The following PEAR1 variants were observed in gnomAD, a reference collection of about 807,000 sequenced individuals.
PEAR1 encodes multiple EGF-like domains protein 12.
In PEAR1, 113 loss-of-function variants were observed where a neutral mutation model predicts 131.2. That is an observed-to-expected ratio of 0.86 (90% CI 0.74 to 1.01). The LOEUF is 1.01. PEAR1 is among the 50% of genes least tolerant of loss of function. The pLI is 0.00. For synonymous variants in PEAR1, 565 were observed against 523.3 expected, an observed-to-expected ratio of 1.08 and a Z score of -1.09; for missense variants, 1,408 against 1,391.1, an observed-to-expected ratio of 1.01 and a Z score of -0.19.
At chr1:156,910,204 C>T in intron 13 of PEAR1, 30 bp from the exon 14 acceptor site, 1 of 1,610,186 alleles carries the variant, frequency 6.2e-7, no homozygotes, top group African/African-American at 1.3e-5. Flanking sequence ...GGGGGCCCAG[C>T]CAGGCACACC....
intron 6 of PEAR1, 104 bp from the exon 7 acceptor site, chr1:156,907,506 A>G: frequency 6.8e-7 from 1 of 1,477,232 alleles, no homozygotes; most frequent in Non-Finnish European, 9.0e-7. Context: ...GCAAGTGTGA[A>G]TCACTAAGTC....
chr1:156,910,877 C>T (rs923350791), intron 15 of PEAR1, 134 bp downstream of exon 15: 1 of 1,289,398 alleles, frequency 7.8e-7, no homozygotes, highest in Non-Finnish European at 1.1e-6. Flanking sequence ...CTGGGCACCA[C>T]CTACATGCTG....
At position 156,914,860 on chromosome 1, in the gene PEAR1, A is replaced by G; in HGVS notation, c.*62A>G. ...GCTGTTGCTGCTCAAGGCTGGGGAC[A>G]GAGCCTAGTGTACCCCTGCCAGGAG... On this transcript the variant is annotated 3_prime_UTR_variant, in exon 23 of 23. Coordinates refer to ENST00000292357, the MANE Select transcript of PEAR1 (RefSeq NM_001080471.3). 2 of 1,580,304 alleles carry G rather than the reference A, an allele frequency of 1.3e-6. No individual in the cohort carries two copies. The highest frequency in any genetic ancestry group is 1.7e-4 in the Middle Eastern group (1 of 5,948).
At chr1:156,914,492 G>A (rs1392899899) in intron 22 of PEAR1, among the ~76,000 whole-genome samples, 155 bp from the exon 23 acceptor site, 7 of 152,180 alleles carry the variant, frequency 4.6e-5, no homozygotes, top group East Asian at 1.9e-4. Context: ...GGAGCCGCAC[G>A]GCCAGCTGAT....
intron 3 of PEAR1, 145 bp downstream of exon 3, chr1:156,904,997 G>C: frequency 1.3e-6 from 2 of 1,552,296 alleles, no homozygotes; most frequent in Non-Finnish European, 1.7e-6. Flanking sequence ...GGTCTGTGTC[G>C]GGTACGTGTG....
chr1:156,909,982 C>A, intron 12 of PEAR1, 24 bp from the exon 13 acceptor site: 1 of 1,613,098 alleles, frequency 6.2e-7, no homozygotes, highest in South Asian at 1.1e-5. Context: ...GACTGGCCTA[C>A]CTGCTCCCCA....
chr1:156,904,227 C>T (rs1448390535), intron 2 of PEAR1, among the ~76,000 whole-genome samples, 200 bp downstream of exon 2: 1 of 152,162 alleles, frequency 6.6e-6, no homozygotes, highest in Non-Finnish European at 1.5e-5. Flanking sequence ...CATTTCTGAC[C>T]TTGTCTCAGT....
chr1:156,898,284 T>C (rs1049154525), intron 1 of PEAR1, among the ~76,000 whole-genome samples: 32 of 152,152 alleles, frequency 2.1e-4, no homozygotes, highest in Non-Finnish European at 3.8e-4. Context: ...CATTTCCTGA[T>C]GAGTAAACAG....
At position 156,906,781 on chromosome 1, in the gene PEAR1, A is replaced by G; in HGVS notation, c.545A>G (p.Tyr182Cys). 8 of 1,614,220 alleles carry G rather than the reference A, an allele frequency of 5.0e-6. No homozygotes were observed. Among genetic ancestry groups the G allele is most frequent in the Non-Finnish European group, 6.8e-6 (8 of 1,180,046 alleles). ...PNCLQPCTPG[Y>C]YGPACQFRCQ... ...TGCCTTCAGCCCTGTACCCCTGGCT[A>G]CTATGGCCCTGCCTGCCAGTTCCGC... Residue 182 changes from tyrosine (Y) to cysteine (C), a missense_variant, in exon 6 of 23, where the codon TAC (tyrosine) becomes TGC (cysteine). Tyr to Cys is a radical substitution (Grantham distance 194, BLOSUM62 -2). Transcript: ENST00000292357.
In PEAR1 at chr1:156,915,046, A is replaced by G. The variant is rs746742297; in HGVS notation, c.*248A>G. 21 of 461,146 alleles carry G rather than the reference A, an allele frequency of 4.6e-5. No individual in the cohort carries two copies. The highest frequency in any genetic ancestry group is 7.6e-5 in the Non-Finnish European group (20 of 264,652). The allele number at this position is 461,146 out of a possible 1,614,324, so 28.6% of individuals were successfully genotyped here. ...AAGGCCTCCAGGGCCCTGTGTACAT[A>G]AACTGGTGGGTTGGAAGTTGCTGGG... On this transcript the variant is annotated 3_prime_UTR_variant, in exon 23 of 23. Transcript: ENST00000292357.
chr1:156,909,961 G>A (rs368675907), intron 12 of PEAR1, 45 bp from the exon 13 acceptor site: 154 of 1,612,156 alleles, frequency 9.6e-5, no homozygotes, highest in Non-Finnish European at 1.2e-4. Flanking sequence ...AGGGCATGGC[G>A]TCCCCCAGCT....
In PEAR1 at chr1:156,910,621, GTC is replaced by G; in HGVS notation, c.1830_1831del (p.Cys610Ter). 1 of 1,613,986 alleles carries G rather than the reference GTC, an allele frequency of 6.2e-7. No individual in the cohort carries two copies. Among genetic ancestry groups the G allele is most frequent in the Non-Finnish European group, 8.5e-7 (1 of 1,180,006 alleles). ...ACCATGTACCCCTTTCCCCCAGCCTGTCAGCCTGGCCGCTATGGCAAACGCTG... is the reference window on the plus strand; with the variant it reads ...ACCATGTACCCCTTTCCCCCAGCCTGAGCCTGGCCGCTATGGCAAACGCTG... On this transcript the variant is annotated stop_gained and frameshift_variant, in exon 15 of 23. Transcript: ENST00000292357. LOFTEE classifies it high-confidence loss of function.
chr1:156,904,079 G>A (rs749573642), intron 2 of PEAR1, 52 bp downstream of exon 2: 144 of 1,419,956 alleles, frequency 1.0e-4, no homozygotes, highest in Non-Finnish European at 1.4e-4. Context: ...GCTCCCGATT[G>A]TCCCTATTGT....
In PEAR1 at chr1:156,906,290, G is replaced by C. The variant is rs1479751990; in HGVS notation, c.322G>C (p.Glu108Gln). 1 of 1,614,084 alleles carries C rather than the reference G, an allele frequency of 6.2e-7. No individual in the cohort carries two copies. Among genetic ancestry groups the C allele is most frequent in the East Asian group, 2.2e-5 (1 of 44,900 alleles). ...CTCTGTCCCAGCGCTCTGTGCCCAG[G>C]AGTGTGTCCATGGCCGTTGTGTGGC... The part of the protein sequence containing the change: ...RGFCVPLCAQ[E>Q]CVHGRCVAPN... The change falls in exon 5 of 23, where the codon GAG (glutamate) becomes CAG (glutamine). Residue 108 changes from glutamate to glutamine, a missense_variant. By Grantham distance (29) the Glu-to-Gln change is conservative. Coordinates refer to ENST00000292357, the MANE Select transcript of PEAR1 (RefSeq NM_001080471.3).
chr1:156,914,246 T>C, intron 22 of PEAR1, 146 bp downstream of exon 22: 2 of 1,327,178 alleles, frequency 1.5e-6, no homozygotes, highest in South Asian at 1.6e-5. Context: ...AAATCAGGCA[T>C]GACGGGGAGG....
rs774807176 is a variant in PEAR1, at chr1:156,913,713, G to T, written c.2666G>T (p.Ser889Ile). Residue 889 changes from serine to isoleucine, a missense_variant, in exon 21 of 23, where the codon AGC (serine) becomes ATC (isoleucine). By Grantham distance (142) the Ser-to-Ile change is moderately radical. Coordinates refer to ENST00000292357, the MANE Select transcript of PEAR1 (RefSeq NM_001080471.3). ...LDRGSSRLDRSYSYSYSNGPG... is the reference protein window; with the variant it reads ...LDRGSSRLDRIYSYSYSNGPG... ...TCAGGGAGCAGCCGCCTGGACCGAA[G>T]CTACAGCTATAGCTACAGCAATGGC... 1 of 1,614,074 alleles carries T rather than the reference G, an allele frequency of 6.2e-7. No individual in the cohort carries two copies. The highest frequency in any genetic ancestry group is 1.7e-5 in the Admixed American group (1 of 60,004).
rs372360680 is a variant in PEAR1 at position 156,908,064 on chromosome 1, G to A, written c.902+13G>A. On this transcript the variant is annotated intron_variant, in intron 8 of 22. Coordinates refer to ENST00000292357, the MANE Select transcript of PEAR1 (RefSeq NM_001080471.3). This position sits in a 1 kb window ranked among gnomAD's most constrained non-coding sequence, Gnocchi z 4.2. ...ACACTGGGGATCGGTGAGTGGCGTG[G>A]GGCGGGCGGGAGACGGGAGGGAGGA... The A allele has an allele frequency of 8.3e-6, 13 of 1,570,782 alleles. No individual in the cohort carries two copies. In the African/African-American group the frequency reaches 1.8e-4, roughly 21 times the overall value.
intron 2 of PEAR1, 48 bp from the exon 3 acceptor site, chr1:156,904,700 T>C (rs1286856008): frequency 1.0e-5 from 16 of 1,542,388 alleles, no homozygotes; most frequent in Non-Finnish European, 1.4e-5. Context: ...TTGTGGCCGC[T>C]CAGGCCTCCT....
chr1:156,903,988 T>C lies in PEAR1; in HGVS notation c.62T>C (p.Leu21Pro). The C allele has an allele frequency of 6.2e-7, 1 of 1,614,080 alleles. No individual in the cohort carries two copies. Among genetic ancestry groups the C allele is most frequent in the Non-Finnish European group, 8.5e-7 (1 of 1,179,982 alleles). The change falls in exon 2 of 23, where the codon CTC (leucine) becomes CCC (proline). Residue 21 changes from leucine to proline, a missense_variant. Leu to Pro is a moderately conservative substitution (Grantham distance 98). Transcript: ENST00000292357. ...GTGGGCCTGCGGCTGGCTGGAACTC[T>C]CAACCCCAGTGATCCCAATACCTGC... ...LAVGLRLAGT[L>P]NPSDPNTCSF...
Sources: allele counts gnomAD v4.1 joint callset (sites outside exome capture counted in the v4.1 genomes callset), GRCh38; gene constraint gnomAD v4.1.1; non-coding constraint Gnocchi (gnomAD v3.1); transcripts MANE v1.5; gene names NCBI Gene and HGNC (gene_info 2026-07-23, HGNC 2026-07-21).